Variants in CRACR2A observed in about 807,000 individuals in gnomAD.
The protein encoded by CRACR2A is EF-hand calcium-binding domain-containing protein 4B.
Under a neutral mutation model 90.5 loss-of-function variants are expected in CRACR2A, and 79 were observed. The observed-to-expected ratio is 0.87, with a 90% CI of 0.73 to 1.05. The LOEUF (loss-of-function observed/expected upper bound fraction) is 1.05. Among genes scored for constraint, CRACR2A ranks in the 50% least tolerant of loss-of-function variants. The pLI is 0.00. For synonymous variants in CRACR2A, 338 were observed against 356.7 expected, an observed-to-expected ratio of 0.95 and a Z score of 0.59; for missense variants, 823 against 897.2, an observed-to-expected ratio of 0.92 and a Z score of 1.06.
At chr12:3,678,268 G>GA (rs1029296991) in intron 6 of CRACR2A, among the ~76,000 whole-genome samples, 3 of 151,554 alleles carry the variant, frequency 2.0e-5, no homozygotes, top group South Asian at 4.2e-4. Context: ...CACATTTTAG[G>GA]AAAAAAAATG....
Position 3,633,547 on chromosome 12 carries a change from T to C in CRACR2A, c.1735+57A>G. 6.5e-7 allele frequency: 1 copy of C among 1,547,860 alleles called. No homozygotes were observed. Among genetic ancestry groups the C allele is most frequent in the Non-Finnish European group, 8.7e-7 (1 of 1,144,472 alleles). ...ACGCTCCCTGCCCCGGGCCCCCTTC[T>C]CACAAACTCCCTTCCCAAAGATGGG... On this transcript the variant is annotated intron_variant, in intron 15 of 19. Coordinates refer to ENST00000440314, the MANE Select transcript of CRACR2A (RefSeq NM_001144958.2). The surrounding 1 kb of genome is among the most constrained non-coding windows in gnomAD (Gnocchi z 4.5).
chr12:3,651,635 T>G (rs1211785778), intron 10 of CRACR2A, among the ~76,000 whole-genome samples: 10 of 152,204 alleles, frequency 6.6e-5, no homozygotes, highest in Non-Finnish European at 1.0e-4. Context: ...ATTTTGCCTG[T>G]TCAGAATTCT....
In CRACR2A at chr12:3,685,207, G is replaced by A. The variant is rs754411850; in HGVS notation, c.229-4858C>T. On this transcript the variant is annotated intron_variant, in intron 4 of 19. Transcript: ENST00000440314. ...ACAAAGAATAACAGCAGCTGGATAC[G>A]AGTGGAAGGTTCCCTTTTCAGCAGA... is the stretch of plus-strand genomic sequence containing the variant. Among the ~76,000 whole-genome samples, 36 of 152,356 alleles carry A rather than the reference G, an allele frequency of 2.4e-4. No individual in the cohort carries two copies. In the Middle Eastern group the frequency reaches 0.014, roughly 58 times the overall value.
At chr12:3,699,789 G>A (rs1352044396) in intron 3 of CRACR2A, among the ~76,000 whole-genome samples, 2 of 152,122 alleles carry the variant, frequency 1.3e-5, no homozygotes, top group African/African-American at 2.4e-5. Context: ...CCTAGAATAT[G>A]GTACATAGTA....
intron 13 of CRACR2A, among the ~76,000 whole-genome samples, chr12:3,638,847 G>A (rs773373938): frequency 6.6e-5 from 10 of 152,216 alleles, no homozygotes; most frequent in East Asian, 1.9e-4. Context: ...GAAAGGTTGT[G>A]AAGAAACGTG....
At chr12:3,679,878 C>T (rs1469841366) in intron 5 of CRACR2A, among the ~76,000 whole-genome samples, 2 of 152,160 alleles carry the variant, frequency 1.3e-5, no homozygotes, top group Non-Finnish European at 2.9e-5. Flanking sequence ...GTTGTCCCAC[C>T]TTTTGGCCAT....
Position 3,656,507 on chromosome 12 carries a change from T to C in CRACR2A, c.763-101A>G, listed in dbSNP as rs1944911807. The stretch of plus-strand genomic sequence containing the variant: ...TGAACCTACTCAACATCAGGGCCCA[T>C]CCTATTAGACCATGGGGCTTTTCCC... On this transcript the variant is annotated intron_variant, in intron 8 of 19. Coordinates refer to ENST00000440314, the MANE Select transcript of CRACR2A (RefSeq NM_001144958.2). The C allele has an allele frequency of 5.0e-6, 5 of 991,334 alleles. No homozygotes were observed. In the South Asian group the frequency reaches 5.3e-5, roughly 11 times the overall value. 61.4% of individuals were successfully genotyped at this position (991,334 alleles called of 1,614,324 possible).
chr12:3,667,070 T>C (rs1017440288), intron 7 of CRACR2A, among the ~76,000 whole-genome samples: 1 of 152,186 alleles, frequency 6.6e-6, no homozygotes, highest in Non-Finnish European at 1.5e-5. Context: ...GTTTGATCAA[T>C]TATGTCTCCC....
intron 1 of CRACR2A, among the ~76,000 whole-genome samples, chr12:3,751,139 TCA>T (rs1329553615): frequency 6.6e-6 from 1 of 152,178 alleles, no homozygotes; most frequent in African/African-American, 2.4e-5. Flanking sequence ...AACCTCTCTC[TCA>T]GTTTCCTCCT....
intron 2 of CRACR2A, among the ~76,000 whole-genome samples, chr12:3,721,585 C>CAAAAA (rs60808773): frequency 8.8e-6 from 1 of 113,722 alleles, no homozygotes; most frequent in African/African-American, 3.2e-5. Flanking sequence ...AATCATGTCT[C>CAAAAA]AAAAAAAAAA....
At chr12:3,715,541 A>G (rs940505869) in intron 2 of CRACR2A, among the ~76,000 whole-genome samples, 4 of 152,258 alleles carry the variant, frequency 2.6e-5, no homozygotes, top group Non-Finnish European at 1.5e-5. Flanking sequence ...AACAAGGTAC[A>G]GTTTACCAAC....
chr12:3,631,849 G>A (rs1184658510), intron 15 of CRACR2A, among the ~76,000 whole-genome samples: 1 of 152,158 alleles, frequency 6.6e-6, no homozygotes, highest in Non-Finnish European at 1.5e-5. Flanking sequence ...TCCCCAGGCA[G>A]GACTCTGGAC....
rs1946385420 is a variant in CRACR2A at position 3,733,020 on chromosome 12, C to T, written c.-196G>A. On this transcript the variant is annotated 5_prime_UTR_variant, in exon 2 of 20. Coordinates refer to ENST00000440314, the MANE Select transcript of CRACR2A (RefSeq NM_001144958.2). ...CCTGTGTTGAATTCTCCTGGCACTC[C>T]TGCTGAATCCCAGCGCTCTGGATCC... 6.6e-6 allele frequency: 1 copy of T among 152,372 alleles called. No individual in the cohort carries two copies. Among genetic ancestry groups the T allele is most frequent in the African/African-American group, 2.4e-5 (1 of 41,460 alleles). 9.4% of individuals were successfully genotyped at this position (152,372 alleles called of 1,614,324 possible).
chr12:3,703,041 T>C (rs767817759), intron 3 of CRACR2A, among the ~76,000 whole-genome samples: 13 of 152,198 alleles, frequency 8.5e-5, no homozygotes, highest in Non-Finnish European at 1.9e-4. Flanking sequence ...GGATAAAGCA[T>C]AGATTTTTCC....
At chr12:3,657,451 C>T (rs995743062) in intron 8 of CRACR2A, among the ~76,000 whole-genome samples, 4 of 152,208 alleles carry the variant, frequency 2.6e-5, no homozygotes, top group Non-Finnish European at 2.9e-5. Context: ...TGGGGGAACA[C>T]GGCCCCCTCG....
At chr12:3,637,565 C>T (rs550038031) in intron 14 of CRACR2A, among the ~76,000 whole-genome samples, 1 of 152,224 alleles carries the variant, frequency 6.6e-6, no homozygotes, top group Admixed American at 6.5e-5. Flanking sequence ...GTTATCAGTA[C>T]CAGCTCACAT....
intron 15 of CRACR2A, among the ~76,000 whole-genome samples, chr12:3,629,848 AGG>A (rs56031844): frequency 0.44 from 39,110 of 89,432 alleles, 6,079 homozygotes; most frequent in East Asian, 0.62. Flanking sequence ...GGAAAAGACA[AGG>A]GGGGGGGGGG....
In CRACR2A at chr12:3,654,206, A is replaced by G; in HGVS notation, c.1046+6T>C. The G allele has an allele frequency of 6.2e-7, 1 of 1,609,818 alleles. No individual in the cohort carries two copies. The highest frequency in any genetic ancestry group is 1.1e-5 in the South Asian group (1 of 90,722). Reference sequence around the variant, plus strand: ...CAGCAGAGGAGTGGACAAAGGCTGGACTCACATCTCCTTCTCTTGGTGGAG... The same window carrying G: ...CAGCAGAGGAGTGGACAAAGGCTGGGCTCACATCTCCTTCTCTTGGTGGAG... On this transcript the variant is annotated splice_donor_region_variant and intron_variant, in intron 10 of 19. Coordinates refer to ENST00000440314, the MANE Select transcript of CRACR2A (RefSeq NM_001144958.2).
intron 2 of CRACR2A, among the ~76,000 whole-genome samples, chr12:3,714,060 T>C (rs1946046329): frequency 6.6e-6 from 1 of 152,232 alleles, no homozygotes; most frequent in South Asian, 2.1e-4. Context: ...CAGCTAGACC[T>C]GAAGTCCAGA....
Sources: allele counts gnomAD v4.1 joint callset (sites outside exome capture counted in the v4.1 genomes callset), GRCh38; gene constraint gnomAD v4.1.1; non-coding constraint Gnocchi (gnomAD v3.1); transcripts MANE v1.5; gene names NCBI Gene and HGNC (gene_info 2026-07-23, HGNC 2026-07-21).